Variants in FOXP2 observed in about 807,000 individuals in gnomAD.
The protein encoded by FOXP2 is forkhead box P2.
A neutral mutation model predicts 115.8 loss-of-function variants in FOXP2; 12 were observed. That is an observed-to-expected ratio of 0.10 (90% CI 0.07 to 0.17). The LOEUF is 0.17. Ranked by LOEUF, FOXP2 falls within the 10% of genes least tolerant of loss-of-function variation. The probability of loss-of-function intolerance (pLI) is 1.00; values close to 1 mark genes in which losing one functional copy is unlikely to be tolerated. For missense variants in FOXP2, 629 were observed against 843.5 expected (o/e 0.75, Z 3.15); for synonymous variants, 328 against 297.7 (o/e 1.10, Z -1.05).
chr7:114,653,844 T>C (rs1806423268), intron 9 of FOXP2, 82 bp from the exon 10 acceptor site: 2 of 1,373,922 alleles, frequency 1.5e-6, no homozygotes, highest in Admixed American at 1.7e-5. Flanking sequence ...TGAGGCAAGC[T>C]CAATGATAAG....
intron 3 of FOXP2, among the ~76,000 whole-genome samples, chr7:114,602,754 A>C (rs1803095100): frequency 6.6e-6 from 1 of 152,178 alleles, no homozygotes; most frequent in Non-Finnish European, 1.5e-5. Context: ...ATAATGGGAA[A>C]GAAAAATACT....
chr7:114,468,091 T>A (rs1400549479), intron 2 of FOXP2, among the ~76,000 whole-genome samples: 1 of 152,194 alleles, frequency 6.6e-6, no homozygotes, highest in Non-Finnish European at 1.5e-5. Context: ...CAAAGCTTCA[T>A]GTACATTTCA....
intron 1 of FOXP2, among the ~76,000 whole-genome samples, chr7:114,114,856 T>C (rs1405416268): frequency 6.6e-6 from 1 of 152,152 alleles, no homozygotes; most frequent in Non-Finnish European, 1.5e-5. Context: ...AATCCAAGAC[T>C]GAAAACAGCA....
At chr7:114,328,534 C>T (rs1376377237) in intron 2 of FOXP2, among the ~76,000 whole-genome samples, 1 of 151,870 alleles carries the variant, frequency 6.6e-6, no homozygotes, top group Non-Finnish European at 1.5e-5. Context: ...CCGCGCCCAG[C>T]CTCAGCCCTT....
At chr7:114,465,710 C>T (rs1049157556) in intron 2 of FOXP2, among the ~76,000 whole-genome samples, 3 of 152,182 alleles carry the variant, frequency 2.0e-5, no homozygotes, top group African/African-American at 7.2e-5. Flanking sequence ...TCTTAGATTC[C>T]TATTTTCTGT....
chr7:114,360,523 C>G (rs930509128), intron 2 of FOXP2, among the ~76,000 whole-genome samples: 1 of 152,122 alleles, frequency 6.6e-6, no homozygotes, highest in Non-Finnish European at 1.5e-5. Flanking sequence ...ATTATTATAT[C>G]ACTAAGTCAA....
At chr7:114,488,767 T>A (rs1459819476) in intron 2 of FOXP2, among the ~76,000 whole-genome samples, 1 of 152,164 alleles carries the variant, frequency 6.6e-6, no homozygotes, top group African/African-American at 2.4e-5. Flanking sequence ...ATTCAAGAAT[T>A]CCTTAAATTA....
In FOXP2 at chr7:114,649,863, A is replaced by G. The variant is rs116557180; in HGVS notation, c.1095-2340A>G. 6.2e-3 allele frequency among the ~76,000 whole-genome samples: 937 copies of G among 152,242 alleles called. 8 individuals carry two copies. Among genetic ancestry groups the G allele is most frequent in the African/African-American group, 0.021 (868 of 41,550 alleles). On this transcript the variant is annotated intron_variant, in intron 8 of 16. Transcript: ENST00000350908. ...CTGCAAGCTAGCCTATAATTACAGG[A>G]AAGAAAGTGGCAGCTCTGGCATTTC...
At chr7:114,106,627 T>A (rs961818440) in intron 1 of FOXP2, among the ~76,000 whole-genome samples, 26 of 152,034 alleles carry the variant, frequency 1.7e-4, no homozygotes, top group African/African-American at 6.3e-4. Flanking sequence ...GAGGAAAATC[T>A]GACTTTGTGA....
chr7:114,492,569 A>G (rs1314631971), intron 2 of FOXP2, among the ~76,000 whole-genome samples: 1 of 151,512 alleles, frequency 6.6e-6, no homozygotes, highest in Non-Finnish European at 1.5e-5. Context: ...ATTTCCCTCC[A>G]CACACTGCTT....
chr7:114,100,052 T>C (rs1799743671), intron 1 of FOXP2, among the ~76,000 whole-genome samples: 1 of 152,210 alleles, frequency 6.6e-6, no homozygotes. Context: ...AAAAATTATT[T>C]TTTAAAAACC....
At chr7:114,599,161 G>C (rs1007567098) in intron 3 of FOXP2, among the ~76,000 whole-genome samples, 1 of 152,004 alleles carries the variant, frequency 6.6e-6, no homozygotes, top group African/African-American at 2.4e-5. Flanking sequence ...CCGACCTTGT[G>C]GGGGAGCTTT....
chr7:114,268,823 T>C (rs1229368927), intron 1 of FOXP2, among the ~76,000 whole-genome samples: 1 of 152,152 alleles, frequency 6.6e-6, no homozygotes, highest in African/African-American at 2.4e-5. Flanking sequence ...AAAGTTTTGC[T>C]TTTTCTGAGA....
At chr7:114,520,792 A>G (rs575248417) in intron 2 of FOXP2, among the ~76,000 whole-genome samples, 1 of 152,228 alleles carries the variant, frequency 6.6e-6, no homozygotes, top group South Asian at 2.1e-4. Flanking sequence ...TATACTATGG[A>G]GTATGGTGGA....
chr7:114,375,106 A>C (rs1792109412), intron 2 of FOXP2, among the ~76,000 whole-genome samples: 2 of 152,178 alleles, frequency 1.3e-5, no homozygotes, highest in African/African-American at 2.4e-5. Flanking sequence ...TAAAAAAAAA[A>C]ATTGATAAGG....
At chr7:114,514,129 T>C (rs986544192) in intron 2 of FOXP2, among the ~76,000 whole-genome samples, 1 of 151,836 alleles carries the variant, frequency 6.6e-6, no homozygotes, top group Non-Finnish European at 1.5e-5. Flanking sequence ...GCCATAAATA[T>C]ATACAATACT....
At chr7:114,334,023 C>A (rs1024407543) in intron 2 of FOXP2, among the ~76,000 whole-genome samples, 21 of 152,066 alleles carry the variant, frequency 1.4e-4, no homozygotes, top group African/African-American at 5.1e-4. Flanking sequence ...AAAGGAAATG[C>A]AAACTTATTT....
chr7:114,513,194 G>C (rs1174045761), intron 2 of FOXP2, among the ~76,000 whole-genome samples: 1 of 152,128 alleles, frequency 6.6e-6, no homozygotes, highest in African/African-American at 2.4e-5. Flanking sequence ...ATATTCTCCA[G>C]AGTGCTTTTT....
chr7:114,674,803 G>A (rs899238786), intron 16 of FOXP2, among the ~76,000 whole-genome samples: 5 of 151,946 alleles, frequency 3.3e-5, no homozygotes, highest in South Asian at 2.1e-4. Context: ...AATTTCTGTG[G>A]AGAAAGCCTG....
Sources: gnomAD v4.1 joint callset for allele counts (sites outside exome capture counted in the v4.1 genomes callset) on GRCh38, gnomAD v4.1.1 for gene constraint, MANE v1.5 for transcripts, NCBI Gene and HGNC (gene_info 2026-07-23, HGNC 2026-07-21) for gene names.